AFDN: variants seen among roughly 807,000 people sequenced by gnomAD.
AFDN encodes the protein afadin, adherens junction formation factor.
AFDN carries 68 observed loss-of-function variants against 216.6 expected under a neutral mutation model. The ratio of observed to expected loss-of-function variants is 0.31; its 90% CI spans 0.26 to 0.38. AFDN has a LOEUF of 0.38. AFDN is among the 10% of genes least tolerant of loss of function. The pLI, the probability that AFDN is intolerant of heterozygous loss-of-function variation, is 1.00. For synonymous variants in AFDN, 868 were observed against 853.7 expected (o/e 1.02, Z -0.29); for missense variants, 2,136 against 2,342.0 (o/e 0.91, Z 1.82).
At chr6:167,848,773 C>T (rs1276718764) in intron 1 of AFDN, among the ~76,000 whole-genome samples, 3 of 152,114 alleles carry the variant, frequency 2.0e-5, no homozygotes, top group Non-Finnish European at 4.4e-5. Flanking sequence ...CCCTGATTTC[C>T]GTCGGTGAGC....
intron 11 of AFDN, among the ~76,000 whole-genome samples, chr6:167,900,368 G>A (rs3800523): frequency 0.12 from 18,512 of 152,094 alleles, 1,346 homozygotes; most frequent in South Asian, 0.22. Flanking sequence ...AGGGCCTCCC[G>A]GTGATACACT....
In AFDN at chr6:167,970,718, A is replaced by G. The variant is rs1797967641; in HGVS notation, c.*783A>G. Reference sequence around the variant, plus strand: ...TAAATCACTGTTAAATTTAAAGATGACAGTTACCTTGGAAAGTTCACTAAT... The same window carrying G: ...TAAATCACTGTTAAATTTAAAGATGGCAGTTACCTTGGAAAGTTCACTAAT... On this transcript the variant is annotated 3_prime_UTR_variant, in exon 34 of 34. Coordinates refer to ENST00000683244, the MANE Select transcript of AFDN (RefSeq NM_001386888.1). The G allele has an allele frequency of 4.6e-6, 1 of 215,056 alleles. No individual in the cohort carries two copies. 13.3% of individuals were successfully genotyped at this position (215,056 alleles called of 1,614,324 possible).
chr6:167,914,155 GT>G lies in AFDN; in HGVS notation c.2059-11del, dbSNP rs1790756586. 3.2e-5 allele frequency: 52 copies of G among 1,612,710 alleles called. No homozygotes were observed. Among genetic ancestry groups the G allele is most frequent in the Non-Finnish European group, 4.4e-5 (52 of 1,179,404 alleles). On this transcript the variant is annotated splice_polypyrimidine_tract_variant and intron_variant, in intron 16 of 33. Transcript: ENST00000683244. Reference sequence around the variant, plus strand: ...TATTCTCTGTTGCTTATGGAAGTGTGTTCTGTCTACAGAAACAGAAGAATAT... The same window carrying G: ...TATTCTCTGTTGCTTATGGAAGTGTGTCTGTCTACAGAAACAGAAGAATAT...
chr6:167,939,619 C>T (rs1794438659), intron 23 of AFDN, among the ~76,000 whole-genome samples: 2 of 152,120 alleles, frequency 1.3e-5, no homozygotes, highest in Admixed American at 1.3e-4. Context: ...ACAATACAGG[C>T]GCTCGATGGA....
At chr6:167,888,502 G>T (rs959950385) in intron 6 of AFDN, among the ~76,000 whole-genome samples, 10 of 152,158 alleles carry the variant, frequency 6.6e-5, no homozygotes, top group Non-Finnish European at 1.3e-4. Context: ...AAGTCTAGAA[G>T]AATATTGGAC....
intron 32 of AFDN, chr6:167,968,877 G>A (rs1197803904): frequency 6.4e-6 from 3 of 469,162 alleles, no homozygotes; most frequent in Non-Finnish European, 1.2e-5. Context: ...CTCCCTCATA[G>A]TGAAGGGCGT....
intron 5 of AFDN, among the ~76,000 whole-genome samples, chr6:167,878,175 G>T (rs1435287508): frequency 6.6e-6 from 1 of 151,990 alleles, no homozygotes; most frequent in African/African-American, 2.4e-5. Flanking sequence ...GCGGGGCACT[G>T]TGAAGTGCAG....
At chr6:167,968,847 T>C in intron 32 of AFDN, 1 of 406,154 alleles carries the variant, frequency 2.5e-6, no homozygotes, top group Non-Finnish European at 4.6e-6. Context: ...GAGGCAGAGC[T>C]GGGCCAGTGG....
chr6:167,861,221 A>G (rs1278380744), intron 1 of AFDN, among the ~76,000 whole-genome samples: 1 of 152,264 alleles, frequency 6.6e-6, no homozygotes, highest in African/African-American at 2.4e-5. Context: ...TGGCAAAATA[A>G]TTGAGCAGAA....
In AFDN at chr6:167,837,607, T is replaced by G. The variant is rs183066093; in HGVS notation, c.105+10370T>G. Among the ~76,000 whole-genome samples, 291 of 152,300 alleles carry G rather than the reference T, an allele frequency of 1.9e-3. 4 individuals are homozygous for G. The highest frequency in any genetic ancestry group is 4.7e-4 in the Non-Finnish European group (32 of 68,034). ...ACATGTGATATATACCTGACATTAG[T>G]GTAAATGCTTTGTGTATGTTATCTT... On this transcript the variant is annotated intron_variant, in intron 1 of 33. Transcript: ENST00000683244.
intron 12 of AFDN, among the ~76,000 whole-genome samples, chr6:167,906,239 A>T (rs1214869242): frequency 6.6e-6 from 1 of 152,242 alleles, no homozygotes; most frequent in Non-Finnish European, 1.5e-5. Flanking sequence ...TTAATGAAGT[A>T]TGATGAATAG....
chr6:167,914,426 A>G, intron 17 of AFDN, 113 bp downstream of exon 17: 1 of 1,375,480 alleles, frequency 7.3e-7, no homozygotes, highest in Non-Finnish European at 9.9e-7. Flanking sequence ...TTGAAGGTGA[A>G]TATAAAGAAG....
intron 15 of AFDN, 39 bp from the exon 16 acceptor site, chr6:167,913,364 C>T: frequency 6.5e-7 from 1 of 1,533,654 alleles, no homozygotes; most frequent in South Asian, 1.2e-5. Context: ...GTTTCTTTCT[C>T]TCGTTCTGCT....
chr6:167,837,006 A>C (rs1780514997), intron 1 of AFDN, among the ~76,000 whole-genome samples: 1 of 152,194 alleles, frequency 6.6e-6, no homozygotes, highest in African/African-American at 2.4e-5. Context: ...AGGTGACTTC[A>C]GTGAGTTCAT....
At chr6:167,946,665 A>G (rs770933615) in intron 26 of AFDN, 42 bp from the exon 27 acceptor site, 4 of 1,560,582 alleles carry the variant, frequency 2.6e-6, no homozygotes, top group Non-Finnish European at 3.5e-6. Flanking sequence ...CAGGGTGTTG[A>G]AAATAAAATC....
At position 167,910,985 on chromosome 6, in the gene AFDN, C is replaced by T. The variant is rs547653326; in HGVS notation, c.1770-116C>T. ...AAACAAGGGATATTTTATTATTTTA[C>T]GTTGGAAAGATTAGTATATAGATTT... On this transcript the variant is annotated intron_variant, in intron 13 of 33. Coordinates refer to ENST00000683244, the MANE Select transcript of AFDN (RefSeq NM_001386888.1). The T allele has an allele frequency of 6.7e-5, 54 of 806,334 alleles. 1 individual carries two copies. The highest frequency in any genetic ancestry group is 6.1e-4 in the African/African-American group (35 of 57,588). 49.9% of individuals were successfully genotyped at this position (806,334 alleles called of 1,614,324 possible). A position where few individuals can be genotyped will look rare whatever the true frequency, so the allele number is the denominator to read the frequency against.
chr6:167,952,476 A>G (rs1796104797), intron 30 of AFDN: 1 of 985,312 alleles, frequency 1.0e-6, no homozygotes, highest in African/African-American at 1.7e-5. Flanking sequence ...TAACACTTCC[A>G]GTTGAGAAAA....
chr6:167,896,137 TTCCTCC>T (rs1340465719), intron 9 of AFDN, among the ~76,000 whole-genome samples: 1 of 151,970 alleles, frequency 6.6e-6, no homozygotes. Context: ...GCAGAGCAGC[TTCCTCC>T]TCCTCCTCAC....
intron 32 of AFDN, among the ~76,000 whole-genome samples, chr6:167,966,789 C>T (rs139519079): frequency 1.3e-4 from 20 of 152,328 alleles, no homozygotes; most frequent in Admixed American, 7.2e-4. Flanking sequence ...CCGGAGCATC[C>T]GCTAAGCTGG....
Sources: allele counts gnomAD v4.1 joint callset (sites outside exome capture counted in the v4.1 genomes callset), GRCh38; gene constraint gnomAD v4.1.1; transcripts MANE v1.5; gene names NCBI Gene and HGNC (gene_info 2026-07-23, HGNC 2026-07-21).